NNT: variants seen among roughly 807,000 people sequenced by gnomAD.
NNT encodes NAD(P) transhydrogenase, mitochondrial.
NNT carries 50 observed loss-of-function variants against 104.8 expected under a neutral mutation model. That is an observed-to-expected ratio of 0.48 (90% CI 0.38 to 0.60). The LOEUF is 0.60. Ranked by LOEUF, NNT falls within the 20% of genes least tolerant of loss-of-function variation. NNT has a pLI of 0.00. For synonymous variants in NNT, 461 were observed against 490.4 expected (o/e 0.94, Z 0.79); for missense variants, 1,131 against 1,330.7 (o/e 0.85, Z 2.33).
chr5:43,703,848 A>C (rs1040806309), intron 21 of NNT, among the ~76,000 whole-genome samples: 3 of 152,150 alleles, frequency 2.0e-5, no homozygotes, highest in African/African-American at 7.2e-5. Flanking sequence ...TTCCCACTCA[A>C]CCTCATCTGT....
At position 43,609,354 on chromosome 5, in the gene NNT, C is replaced by T; in HGVS notation, c.151+8C>T. On this transcript the variant is annotated splice_region_variant and intron_variant, in intron 2 of 21. Transcript: ENST00000344920. ...AAGCGCCTGTAAAACCAGGTAAAGT[C>T]TCACTTCAGTGATTGTAAATGAAAC... The T allele has an allele frequency of 1.9e-6, 3 of 1,613,034 alleles. No individual in the cohort carries two copies. The highest frequency in any genetic ancestry group is 2.5e-6 in the Non-Finnish European group (3 of 1,179,424).
intron 19 of NNT, among the ~76,000 whole-genome samples, chr5:43,694,468 T>G (rs182467256): frequency 6.6e-6 from 1 of 152,312 alleles, no homozygotes; most frequent in East Asian, 1.9e-4. Context: ...ATACCTAGTT[T>G]AGTGAGAGTT....
intron 1 of NNT, among the ~76,000 whole-genome samples, chr5:43,606,080 C>G (rs1749212677): frequency 6.6e-6 from 1 of 152,120 alleles, no homozygotes; most frequent in Non-Finnish European, 1.5e-5. Context: ...GTTGAGCTAA[C>G]TGAGGCAGGG....
chr5:43,681,489 C>G (rs1481930553), intron 19 of NNT, among the ~76,000 whole-genome samples: 1 of 151,972 alleles, frequency 6.6e-6, no homozygotes, highest in African/African-American at 2.4e-5. Context: ...ACCTCTGCCT[C>G]CCGGGTTCAA....
intron 19 of NNT, among the ~76,000 whole-genome samples, chr5:43,698,107 T>C (rs1742653487): frequency 6.6e-6 from 1 of 151,796 alleles, no homozygotes; most frequent in Admixed American, 6.6e-5. Flanking sequence ...CACATATACA[T>C]ACATATACAC....
At chr5:43,612,863 T>C in intron 2 of NNT, 45 bp from the exon 3 acceptor site, 1 of 1,396,588 alleles carries the variant, frequency 7.2e-7, no homozygotes, top group East Asian at 2.3e-5. Flanking sequence ...TTTTTGTTTG[T>C]TTTTTTACCA....
At chr5:43,616,576 T>G (rs1468543084) in intron 4 of NNT, among the ~76,000 whole-genome samples, 1 of 152,254 alleles carries the variant, frequency 6.6e-6, no homozygotes, top group African/African-American at 2.4e-5. Context: ...AAAACCCATA[T>G]TGATAACTGA....
chr5:43,609,149 G>C lies in NNT; in HGVS notation c.-47G>C. 6.6e-7 allele frequency: 1 copy of C among 1,523,334 alleles called. No individual in the cohort carries two copies. Among genetic ancestry groups the C allele is most frequent in the South Asian group, 1.2e-5 (1 of 80,976 alleles). The allele number at this position is 1,523,334 out of a possible 1,614,324, so 94.4% of individuals were successfully genotyped here. A position where few individuals can be genotyped will look rare whatever the true frequency, so the allele number is the denominator to read the frequency against. On this transcript the variant is annotated 5_prime_UTR_variant, in exon 2 of 22. Transcript: ENST00000344920. The stretch of plus-strand genomic sequence containing the variant: ...CTATTTTCTTTTTTCTTAGTGATTT[G>C]CCTTCAAGGAAACTGGGGAGTCAGA...
At position 43,615,872 on chromosome 5, in the gene NNT, A is replaced by G. The variant is rs1194552869; in HGVS notation, c.406A>G (p.Thr136Ala). ...VKVRAPMVNPTLGVHEADLLK... is the reference protein window; with the variant it reads ...VKVRAPMVNPALGVHEADLLK... ...GGTGCGAGCCCCTATGGTTAATCCA[A>G]CATTAGGTGTTCATGAAGCTGACCT... The change falls in exon 4 of 22, where the codon ACA becomes GCA. Residue 136 changes from threonine (T) to alanine (A), a missense_variant. Thr to Ala is a moderately conservative substitution (Grantham distance 58). Transcript: ENST00000344920. 2 of 1,614,080 alleles carry G rather than the reference A, an allele frequency of 1.2e-6. No homozygotes were observed. The highest frequency in any genetic ancestry group is 1.3e-5 in the African/African-American group (1 of 74,932).
intron 19 of NNT, among the ~76,000 whole-genome samples, chr5:43,697,449 G>A (rs955255167): frequency 1.3e-5 from 2 of 152,206 alleles, no homozygotes; most frequent in South Asian, 2.1e-4. Context: ...ACGTTTTCCT[G>A]TCTTCTTCTG....
At chr5:43,689,658 A>C (rs1448819303) in intron 19 of NNT, among the ~76,000 whole-genome samples, 4 of 152,140 alleles carry the variant, frequency 2.6e-5, no homozygotes, top group African/African-American at 9.7e-5. Flanking sequence ...TGTCCTTTCC[A>C]GACAAAATCT....
At chr5:43,619,780 T>C (rs1412373785) in intron 5 of NNT, among the ~76,000 whole-genome samples, 1 of 152,210 alleles carries the variant, frequency 6.6e-6, no homozygotes, top group Non-Finnish European at 1.5e-5. Flanking sequence ...GGGTAATTTA[T>C]TTTAAAAAAG....
chr5:43,674,791 T>G (rs1480541167), intron 17 of NNT, among the ~76,000 whole-genome samples: 1 of 152,216 alleles, frequency 6.6e-6, no homozygotes, highest in Non-Finnish European at 1.5e-5. Context: ...TGGTACATTC[T>G]TGAGTGATTA....
chr5:43,696,113 A>G (rs781431606), intron 19 of NNT, among the ~76,000 whole-genome samples: 1 of 152,210 alleles, frequency 6.6e-6, no homozygotes, highest in Non-Finnish European at 1.5e-5. Context: ...AAAAGTCCAC[A>G]GTCCAAAGTC....
intron 3 of NNT, among the ~76,000 whole-genome samples, chr5:43,615,134 A>C (rs1749718631): frequency 6.6e-6 from 1 of 151,768 alleles, no homozygotes; most frequent in South Asian, 2.1e-4. Context: ...ACAGAGCGAG[A>C]CTCCGTCTCA....
chr5:43,665,568 C>T (rs1219134157), intron 17 of NNT, among the ~76,000 whole-genome samples: 2 of 152,216 alleles, frequency 1.3e-5, no homozygotes, highest in Admixed American at 6.5e-5. Flanking sequence ...CATAGATTTA[C>T]AGCATCCCAA....
chr5:43,659,881 T>C (rs894871521), intron 17 of NNT, among the ~76,000 whole-genome samples: 2 of 152,202 alleles, frequency 1.3e-5, no homozygotes, highest in Non-Finnish European at 2.9e-5. Flanking sequence ...CTAGTGCCTC[T>C]CTCCATCTGG....
Position 43,609,145 on chromosome 5 carries a change from AT to A in NNT, c.-48del. The A allele has an allele frequency of 1.3e-6, 2 of 1,507,994 alleles. No homozygotes were observed. The highest frequency in any genetic ancestry group is 9.1e-7 in the Non-Finnish European group (1 of 1,103,740). The allele number at this position is 1,507,994 out of a possible 1,614,324, so 93.4% of individuals were successfully genotyped here. On this transcript the variant is annotated 5_prime_UTR_variant, in exon 2 of 22. Transcript: ENST00000344920. ...CATCCTATTTTCTTTTTTCTTAGTG[AT>A]TTGCCTTCAAGGAAACTGGGGAGTC...
chr5:43,628,461 A>T, intron 7 of NNT, 74 bp downstream of exon 7: 1 of 1,118,694 alleles, frequency 8.9e-7, no homozygotes, highest in Non-Finnish European at 1.2e-6. Flanking sequence ...AGAGTGAATG[A>T]TTGCTTAACA....
Sources: allele counts gnomAD v4.1 joint callset (sites outside exome capture counted in the v4.1 genomes callset), GRCh38; gene constraint gnomAD v4.1.1; transcripts MANE v1.5; gene names NCBI Gene and HGNC (gene_info 2026-07-23, HGNC 2026-07-21).